The following SMOX variants were observed in gnomAD, a reference collection of about 807,000 sequenced individuals.
The protein encoded by SMOX is flavin containing amine oxidase.
In SMOX, 22 loss-of-function variants were observed where a neutral mutation model predicts 51.0. That is an observed-to-expected ratio of 0.43 (90% confidence interval 0.31 to 0.62). The LOEUF (loss-of-function observed/expected upper bound fraction) is 0.62, where lower values mean the gene tolerates loss of function less well. Among genes scored for constraint, SMOX ranks in the 20% least tolerant of loss-of-function variants. The pLI is 0.10. For missense variants in SMOX, 566 were observed against 777.7 expected, an observed-to-expected ratio of 0.73 and a Z score of 3.24; for synonymous variants, 282 against 307.8, an observed-to-expected ratio of 0.92 and a Z score of 0.88.
intron 1 of SMOX, among the ~76,000 whole-genome samples, chr20:4,163,427 G>A (rs1201940217): frequency 6.6e-6 from 1 of 152,210 alleles, no homozygotes; most frequent in Non-Finnish European, 1.5e-5. Flanking sequence ...CCCTGAGAGG[G>A]GTTGGTTGGG....
rs1044404993 is a variant in SMOX, at chr20:4,183,998, C to CA, written c.1530+345dup. Among the ~76,000 whole-genome samples, 15 of 150,444 alleles carry CA rather than the reference C, an allele frequency of 1.0e-4. No individual in the cohort carries two copies. Among genetic ancestry groups the CA allele is most frequent in the East Asian group, 1.9e-4 (1 of 5,150 alleles). ...AGTATTTTTTTTTTCTTTTTTGAGA[C>CA]AGGGTCTTGCTCTGTCTACACTTCA... On this transcript the variant is annotated intron_variant, in intron 6 of 6. Coordinates refer to ENST00000305958, the MANE Select transcript of SMOX (RefSeq NM_175839.3). This position sits in a 1 kb window ranked among gnomAD's most constrained non-coding sequence, Gnocchi z 4.3.
chr20:4,178,129 C>T (rs989087362), intron 3 of SMOX, among the ~76,000 whole-genome samples: 4 of 152,206 alleles, frequency 2.6e-5, no homozygotes, highest in Admixed American at 6.5e-5. Context: ...GTAACCTCTA[C>T]CTCTCTGGTT....
At chr20:4,160,826 C>T (rs1457426097) in intron 1 of SMOX, among the ~76,000 whole-genome samples, 1 of 152,202 alleles carries the variant, frequency 6.6e-6, no homozygotes, top group South Asian at 2.1e-4. Flanking sequence ...TCAGACAGCT[C>T]TGACACTGGG....
intron 1 of SMOX, among the ~76,000 whole-genome samples, chr20:4,174,182 T>A (rs1009547451): frequency 1.1e-4 from 16 of 152,142 alleles, no homozygotes; most frequent in Non-Finnish European, 4.4e-5. Flanking sequence ...AAATTGCCAC[T>A]TCGGTGAGGC....
At chr20:4,174,460 G>A (rs1008908004) in intron 1 of SMOX, among the ~76,000 whole-genome samples, 3 of 152,004 alleles carry the variant, frequency 2.0e-5, no homozygotes, top group Non-Finnish European at 4.4e-5. Context: ...GTATCCTGGG[G>A]GGTCTGTGTG....
At chr20:4,178,688 CTT>C (rs141586329) in intron 3 of SMOX, among the ~76,000 whole-genome samples, 1 of 64,062 alleles carries the variant, frequency 1.6e-5, no homozygotes, top group African/African-American at 5.8e-5. Context: ...TTCTTTCTTT[CTT>C]TTTTTTTTTT....
Position 4,181,665 on chromosome 20 carries a change from C to T in SMOX, c.436-138C>T, listed in dbSNP as rs1446815602. 14 of 1,046,098 alleles carry T rather than the reference C, an allele frequency of 1.3e-5. No individual in the cohort carries two copies. Among genetic ancestry groups the T allele is most frequent in the African/African-American group, 3.2e-5 (2 of 62,398 alleles). 64.8% of individuals were successfully genotyped at this position (1,046,098 alleles called of 1,614,324 possible). On this transcript the variant is annotated intron_variant, in intron 3 of 6. Coordinates refer to ENST00000305958, the MANE Select transcript of SMOX (RefSeq NM_175839.3). This position sits in a 1 kb window ranked among gnomAD's most constrained non-coding sequence, Gnocchi z 5.6. ...TTTGGTGCAGCATTGAGTGCAACATCGGATCCCTAAGGGACAGAGACCAGG... is the reference window on the plus strand; with the variant it reads ...TTTGGTGCAGCATTGAGTGCAACATTGGATCCCTAAGGGACAGAGACCAGG...
intron 1 of SMOX, among the ~76,000 whole-genome samples, chr20:4,157,898 T>C (rs12625540): frequency 0.48 from 72,277 of 151,388 alleles, 18,053 homozygotes; most frequent in African/African-American, 0.62. Context: ...GCTGTGGTAT[T>C]TTTTATTTTT....
At chr20:4,159,822 G>A (rs975974073) in intron 1 of SMOX, among the ~76,000 whole-genome samples, 8 of 152,230 alleles carry the variant, frequency 5.3e-5, no homozygotes, top group African/African-American at 1.4e-4. Context: ...ATGAACCCCA[G>A]TGGCTTTTGA....
At chr20:4,165,146 C>T (rs770799265) in intron 1 of SMOX, among the ~76,000 whole-genome samples, 80 of 151,232 alleles carry the variant, frequency 5.3e-4, no homozygotes, top group Non-Finnish European at 9.4e-4. Context: ...CCTCCGCCTC[C>T]GAGGTTCAAG....
At position 4,182,048 on chromosome 20, in the gene SMOX, A is replaced by T; in HGVS notation, c.610-41A>T. 6.3e-7 allele frequency: 1 copy of T among 1,586,518 alleles called. No homozygotes were observed. Among genetic ancestry groups the T allele is most frequent in the Non-Finnish European group, 8.6e-7 (1 of 1,164,408 alleles). ...GCTACGCTGCTCCTACCCCTGCCCA[A>T]CCCCGGCGGTCACCTGGCTTCTCCT... is the stretch of plus-strand genomic sequence containing the variant. On this transcript the variant is annotated intron_variant, in intron 4 of 6. Coordinates refer to ENST00000305958, the MANE Select transcript of SMOX (RefSeq NM_175839.3). The surrounding 1 kb of genome is among the most constrained non-coding windows in gnomAD (Gnocchi z 8.4).
rs549303021 is a variant in SMOX at position 4,164,840 on chromosome 20, CA to C, written c.-26-10188del. 2.4e-3 allele frequency among the ~76,000 whole-genome samples: 363 copies of C among 152,196 alleles called. 2 individuals are homozygous for C. The highest frequency in any genetic ancestry group is 8.4e-3 in the African/African-American group (348 of 41,516). The stretch of plus-strand genomic sequence containing the variant: ...TGCCAGTGGCCTGGTCTGCTGTTAC[CA>C]AGGGCAGTCTTGCACCAACGTATTC... On this transcript the variant is annotated intron_variant, in intron 1 of 6. Coordinates refer to ENST00000305958, the MANE Select transcript of SMOX (RefSeq NM_175839.3).
At chr20:4,159,847 C>T (rs761811630) in intron 1 of SMOX, among the ~76,000 whole-genome samples, 6 of 152,156 alleles carry the variant, frequency 3.9e-5, no homozygotes, top group African/African-American at 7.2e-5. Flanking sequence ...TGGTTCCAGC[C>T]CTCGCGTGGG....
intron 1 of SMOX, among the ~76,000 whole-genome samples, chr20:4,165,223 T>C (rs548249882): frequency 6.6e-5 from 10 of 152,010 alleles, no homozygotes; most frequent in South Asian, 6.2e-4. Context: ...ACCTGGCTAA[T>C]TTTTGTATTT....
chr20:4,161,803 G>A (rs1362806597), intron 1 of SMOX, among the ~76,000 whole-genome samples: 2 of 152,206 alleles, frequency 1.3e-5, no homozygotes, highest in Non-Finnish European at 2.9e-5. Flanking sequence ...CCTGGCACAG[G>A]TAGCCCTCCA....
At chr20:4,159,727 T>C (rs1306086924) in intron 1 of SMOX, among the ~76,000 whole-genome samples, 5 of 152,228 alleles carry the variant, frequency 3.3e-5, no homozygotes, top group African/African-American at 4.8e-5. Context: ...CTAAAGAATA[T>C]GTTTATGTCC....
rs751519671 is a variant in SMOX at position 4,175,098 on chromosome 20, C to T, written c.43C>T (p.Leu15Phe). ...CAGTGGTGACAGTGCGGATGACCCT[C>T]TCAGTCGCGGCCTACGGAGAAGGGG... ...ESSGDSADDP[L>F]SRGLRRRGQP... Residue 15 changes from leucine to phenylalanine, a missense_variant, in exon 2 of 7, where the codon CTC becomes TTC. By Grantham distance (22) the Leu-to-Phe change is conservative (BLOSUM62 0). This residue lies in a region of SMOX where 217 missense variants were observed against 278.4 expected (regional missense o/e 0.78). Coordinates refer to ENST00000305958, the MANE Select transcript of SMOX (RefSeq NM_175839.3). 5 of 1,614,144 alleles carry T rather than the reference C, an allele frequency of 3.1e-6. No individual in the cohort carries two copies. The South Asian group carries it at 3.3e-5, about 11-fold the overall frequency.
chr20:4,169,676 G>A (rs760958822), intron 1 of SMOX, among the ~76,000 whole-genome samples: 4 of 152,144 alleles, frequency 2.6e-5, no homozygotes, highest in Admixed American at 6.5e-5. Flanking sequence ...TAGGCTGGGG[G>A]TCAGGTGACA....
chr20:4,173,156 G>T (rs1326085748), intron 1 of SMOX, among the ~76,000 whole-genome samples: 1 of 152,156 alleles, frequency 6.6e-6, no homozygotes, highest in African/African-American at 2.4e-5. Flanking sequence ...CTTCATACGT[G>T]CACTGGGTAC....
Sources: gnomAD v4.1 joint callset for allele counts (sites outside exome capture counted in the v4.1 genomes callset) on GRCh38, gnomAD v4.1.1 for gene constraint, gnomAD v4.1.1 regional missense constraint, Gnocchi (gnomAD v3.1) non-coding constraint, MANE v1.5 for transcripts, NCBI Gene and HGNC (gene_info 2026-07-23, HGNC 2026-07-21) for gene names.